The following TCF12 variants were observed in gnomAD, a reference collection of about 807,000 sequenced individuals.
TCF12 encodes transcription factor 12.
In TCF12, 45 loss-of-function variants were observed where a neutral mutation model predicts 86.0. The ratio of observed to expected loss-of-function variants is 0.52; its 90% CI spans 0.41 to 0.67. TCF12 has a LOEUF of 0.67. Ranked by LOEUF, TCF12 falls within the 30% of genes least tolerant of loss-of-function variation. TCF12 has a pLI of 0.00. For synonymous variants in TCF12, 330 were observed against 299.6 expected (o/e 1.10, Z -1.05); for missense variants, 881 against 859.9 (o/e 1.02, Z -0.31).
chr15:57,255,627 G>A (rs374445698), intron 16 of TCF12, among the ~76,000 whole-genome samples: 6 of 151,988 alleles, frequency 3.9e-5, no homozygotes, highest in Non-Finnish European at 8.8e-5. Context: ...GGGATTATAG[G>A]CACCCGCCAC....
At chr15:57,108,677 G>GT (rs2050292242) in intron 5 of TCF12, among the ~76,000 whole-genome samples, 2 of 151,878 alleles carry the variant, frequency 1.3e-5, no homozygotes, top group Non-Finnish European at 1.5e-5. Context: ...GAGGGACATT[G>GT]TTGGGGGGTA....
At chr15:57,110,826 T>C (rs1369545140) in intron 5 of TCF12, among the ~76,000 whole-genome samples, 3 of 152,168 alleles carry the variant, frequency 2.0e-5, no homozygotes, top group African/African-American at 7.2e-5. Context: ...CAACTGATGT[T>C]AAAAAGATTG....
At chr15:57,111,312 T>G (rs1886648911) in intron 5 of TCF12, among the ~76,000 whole-genome samples, 1 of 152,160 alleles carries the variant, frequency 6.6e-6, no homozygotes, top group South Asian at 2.1e-4. Flanking sequence ...AGATGTTCAT[T>G]GTGTTCTTAA....
Position 57,166,481 on chromosome 15 carries a change from TA to T in TCF12, c.390+22del, listed in dbSNP as rs34825412. On this transcript the variant is annotated intron_variant, in intron 6 of 20. Transcript: ENST00000333725. ...CAGGCTGTCAAGTAAGTTTAATGATTAAAAAAAGCAATGAGATGGTTTTTAA... is the reference window on the plus strand; with the variant it reads ...CAGGCTGTCAAGTAAGTTTAATGATTAAAAAAGCAATGAGATGGTTTTTAA... The T allele has an allele frequency of 4.4e-6, 7 of 1,606,946 alleles. No homozygotes were observed. Among genetic ancestry groups the T allele is most frequent in the Admixed American group, 1.7e-5 (1 of 59,188 alleles).
At chr15:57,273,946 C>T (rs1376766863) in intron 19 of TCF12, among the ~76,000 whole-genome samples, 1 of 152,162 alleles carries the variant, frequency 6.6e-6, no homozygotes, top group East Asian at 1.9e-4. Context: ...TTATTGCATA[C>T]CTCCTCTGTT....
At chr15:57,094,583 C>T (rs1186561181) in intron 5 of TCF12, among the ~76,000 whole-genome samples, 1 of 152,150 alleles carries the variant, frequency 6.6e-6, no homozygotes, top group Non-Finnish European at 1.5e-5. Context: ...AAGGGAGTTT[C>T]TGGCTGAAAA....
chr15:57,172,244 CA>C (rs2055563896), intron 6 of TCF12, among the ~76,000 whole-genome samples: 1 of 151,874 alleles, frequency 6.6e-6, no homozygotes, highest in South Asian at 2.1e-4. Flanking sequence ...CGAAGCAAAA[CA>C]AAAATTGATA....
chr15:57,216,538 A>T (rs997128856), intron 8 of TCF12, among the ~76,000 whole-genome samples: 1 of 148,370 alleles, frequency 6.7e-6, no homozygotes, highest in Admixed American at 6.8e-5. Context: ...ACTGAGTCAT[A>T]GGATTAACCC....
chr15:56,981,361 C>T (rs2062881543), intron 3 of TCF12, among the ~76,000 whole-genome samples: 1 of 152,180 alleles, frequency 6.6e-6, no homozygotes, highest in African/African-American at 2.4e-5. Context: ...TTGCTGTGTC[C>T]TCTGGAGAGA....
At chr15:56,976,812 A>G (rs758685942) in intron 3 of TCF12, among the ~76,000 whole-genome samples, 7 of 152,200 alleles carry the variant, frequency 4.6e-5, no homozygotes, top group Non-Finnish European at 8.8e-5. Context: ...AGGAGATACA[A>G]CTTTGCTGTT....
intron 4 of TCF12, among the ~76,000 whole-genome samples, chr15:57,090,206 G>A (rs1482480419): frequency 6.6e-6 from 1 of 152,042 alleles, no homozygotes; most frequent in Non-Finnish European, 1.5e-5. Flanking sequence ...ACAGAGCGAG[G>A]GCCCTGTCTC....
At chr15:56,958,793 G>C (rs560312029) in intron 3 of TCF12, among the ~76,000 whole-genome samples, 1 of 152,012 alleles carries the variant, frequency 6.6e-6, no homozygotes, top group Admixed American at 6.6e-5. Context: ...TGCAGAGACA[G>C]GAGGATCACT....
chr15:57,105,287 T>G (rs2050065510), intron 5 of TCF12, among the ~76,000 whole-genome samples: 1 of 152,216 alleles, frequency 6.6e-6, no homozygotes, highest in African/African-American at 2.4e-5. Flanking sequence ...TGTATCGCCA[T>G]CTCTTAATGT....
intron 3 of TCF12, among the ~76,000 whole-genome samples, chr15:56,924,703 C>T (rs1299178204): frequency 6.6e-6 from 1 of 152,084 alleles, no homozygotes; most frequent in Non-Finnish European, 1.5e-5. Flanking sequence ...TGAGAGTAAC[C>T]ACAGAGTCAG....
chr15:56,976,330 A>G, intron 3 of TCF12, among the ~76,000 whole-genome samples: 1 of 139,658 alleles, frequency 7.2e-6, no homozygotes, highest in Admixed American at 8.2e-5. Flanking sequence ...TTCCGGGTTC[A>G]CGCCATTCTC....
chr15:57,191,807 G>C (rs899921500), intron 6 of TCF12, among the ~76,000 whole-genome samples: 1 of 151,904 alleles, frequency 6.6e-6, no homozygotes, highest in African/African-American at 2.4e-5. Flanking sequence ...GGTGGTGCGC[G>C]CCTGTAATCC....
intron 3 of TCF12, among the ~76,000 whole-genome samples, chr15:56,962,112 G>A (rs1393286271): frequency 7.4e-6 from 1 of 135,794 alleles, no homozygotes; most frequent in African/African-American, 2.8e-5. Flanking sequence ...CAGCCTGGGT[G>A]ACAGAGCGAG....
intron 3 of TCF12, among the ~76,000 whole-genome samples, chr15:56,980,608 G>A (rs538809705): frequency 4.5e-4 from 68 of 152,228 alleles, no homozygotes; most frequent in South Asian, 1.2e-3. Flanking sequence ...CTCATGCTGC[G>A]CCTGCTGTTC....
intron 8 of TCF12, among the ~76,000 whole-genome samples, chr15:57,224,562 A>C (rs184849964): frequency 2.0e-5 from 3 of 152,298 alleles, no homozygotes; most frequent in Non-Finnish European, 2.9e-5. Flanking sequence ...CAGTAAGAGC[A>C]GCAGTTGGTT....
Sources: allele counts gnomAD v4.1 joint callset (sites outside exome capture counted in the v4.1 genomes callset), GRCh38; gene constraint gnomAD v4.1.1; transcripts MANE v1.5; gene names NCBI Gene and HGNC (gene_info 2026-07-23, HGNC 2026-07-21).